PIP5K1B: variants seen among roughly 807,000 people sequenced by gnomAD.
The protein encoded by PIP5K1B is phosphatidylinositol 4-phosphate 5-kinase type-1 beta.
Under a neutral mutation model 67.0 loss-of-function variants are expected in PIP5K1B, and 42 were observed. The observed-to-expected ratio is 0.63, with a 90% CI of 0.49 to 0.81. The LOEUF (loss-of-function observed/expected upper bound fraction) is 0.81, where lower values mean the gene tolerates loss of function less well. PIP5K1B is among the 30% of genes least tolerant of loss of function. The pLI is 0.00. For synonymous variants in PIP5K1B, 214 were observed against 231.4 expected (o/e 0.92, Z 0.68); for missense variants, 459 against 646.3 (o/e 0.71, Z 3.14).
Position 68,908,287 on chromosome 9 carries a change from G to A in PIP5K1B, c.772-9261G>A, listed in dbSNP as rs191918003. On this transcript the variant is annotated intron_variant, in intron 8 of 15. Coordinates refer to ENST00000265382, the MANE Select transcript of PIP5K1B (RefSeq NM_003558.4). ...AGACATCTTTATTTGAAGAAATGAA[G>A]TGTTTATAAAGAAAACAAACCAAAT... Among the ~76,000 whole-genome samples, 428 of 152,106 alleles carry A rather than the reference G, an allele frequency of 2.8e-3. 3 individuals are homozygous for A. Among genetic ancestry groups the A allele is most frequent in the African/African-American group, 9.9e-3 (410 of 41,504 alleles).
chr9:68,769,363 G>T (rs916287290), intron 2 of PIP5K1B, among the ~76,000 whole-genome samples: 2 of 150,988 alleles, frequency 1.3e-5, no homozygotes, highest in Non-Finnish European at 3.0e-5. Flanking sequence ...CTTATACTGT[G>T]TTTTTTTTTC....
chr9:68,890,455 A>T (rs1694112999), intron 7 of PIP5K1B, among the ~76,000 whole-genome samples: 1 of 152,202 alleles, frequency 6.6e-6, no homozygotes, highest in African/African-American at 2.4e-5. Context: ...ATGAGTGGTG[A>T]TAAATATCAT....
chr9:68,891,146 G>T (rs1403911037), intron 7 of PIP5K1B, among the ~76,000 whole-genome samples: 1 of 152,160 alleles, frequency 6.6e-6, no homozygotes, highest in Non-Finnish European at 1.5e-5. Context: ...TACTTGGGAG[G>T]CTGAGAAGTG....
Position 68,991,092 on chromosome 9 carries a change from A to G in PIP5K1B, c.1503-48A>G, listed in dbSNP as rs374542376. 1.1e-5 allele frequency: 12 copies of G among 1,091,302 alleles called. No individual in the cohort carries two copies. The South Asian group carries it at 1.4e-4, about 12-fold the overall frequency. 67.6% of individuals were successfully genotyped at this position (1,091,302 alleles called of 1,614,324 possible). On this transcript the variant is annotated intron_variant, in intron 14 of 15. Transcript: ENST00000265382. The stretch of plus-strand genomic sequence containing the variant: ...TTTAGGACTTTGGAGGTGTCTTTAG[A>G]TTTTGTTCTGGGGGCCTCATGCCCA...
At chr9:68,873,418 G>A (rs1435152521) in intron 5 of PIP5K1B, among the ~76,000 whole-genome samples, 1 of 150,386 alleles carries the variant, frequency 6.6e-6, no homozygotes, top group African/African-American at 2.5e-5. Flanking sequence ...CCACCAAACA[G>A]CCGGGACTAC....
At chr9:68,950,635 C>T (rs1828019103) in intron 14 of PIP5K1B, among the ~76,000 whole-genome samples, 1 of 152,186 alleles carries the variant, frequency 6.6e-6, no homozygotes, top group Admixed American at 6.5e-5. Context: ...GTTCATGTTA[C>T]CAGTTCTGGC....
chr9:68,994,285 G>A (rs1830515632), intron 15 of PIP5K1B, among the ~76,000 whole-genome samples: 1 of 151,870 alleles, frequency 6.6e-6, no homozygotes, highest in Admixed American at 6.6e-5. Context: ...CAGGTGATCC[G>A]CCCGCCTCGG....
chr9:68,746,382 A>G (rs1829310401), intron 2 of PIP5K1B, among the ~76,000 whole-genome samples: 2 of 152,114 alleles, frequency 1.3e-5, no homozygotes, highest in South Asian at 4.1e-4. Context: ...GTTATATGGC[A>G]TGCACAGAGT....
At chr9:68,750,329 T>C (rs1275478495) in intron 2 of PIP5K1B, among the ~76,000 whole-genome samples, 2 of 152,258 alleles carry the variant, frequency 1.3e-5, no homozygotes, top group African/African-American at 2.4e-5. Flanking sequence ...CTGTCAGTTA[T>C]GCTAACTCAC....
At chr9:68,889,810 A>G (rs74733109) in intron 7 of PIP5K1B, among the ~76,000 whole-genome samples, 2,420 of 152,196 alleles carry the variant, frequency 0.016, 60 homozygotes, top group African/African-American at 0.053. Flanking sequence ...TACAGGATAT[A>G]AAATAAAGGA....
intron 8 of PIP5K1B, among the ~76,000 whole-genome samples, chr9:68,904,226 G>A (rs934888746): frequency 1.1e-4 from 17 of 152,190 alleles, no homozygotes; most frequent in African/African-American, 4.1e-4. Context: ...GTGTGTAATG[G>A]TGGTAAGGCC....
chr9:68,789,240 C>T (rs1241265203), intron 2 of PIP5K1B: 6 of 472,852 alleles, frequency 1.3e-5, no homozygotes, highest in Admixed American at 2.7e-5. Context: ...GACAACTGTT[C>T]GAAGGATAGT....
chr9:68,935,057 T>C lies in PIP5K1B; in HGVS notation c.1357+12T>C. On this transcript the variant is annotated intron_variant, in intron 13 of 15. Transcript: ENST00000265382. ...CCTTGATGAAGAAGGTAAAGATATG[T>C]AACTTTTTTAAAAAGACAAACGTTC... 6.2e-7 allele frequency: 1 copy of C among 1,605,404 alleles called. No homozygotes were observed.
intron 12 of PIP5K1B, among the ~76,000 whole-genome samples, chr9:68,929,346 A>T (rs1461508183): frequency 3.3e-5 from 5 of 152,116 alleles, no homozygotes; most frequent in African/African-American, 9.7e-5. Flanking sequence ...GATTATCTCC[A>T]CTACAGGGTA....
At chr9:68,792,315 C>G (rs1379556308) in intron 2 of PIP5K1B, among the ~76,000 whole-genome samples, 3 of 152,162 alleles carry the variant, frequency 2.0e-5, no homozygotes, top group Non-Finnish European at 4.4e-5. Flanking sequence ...AATGGATGAA[C>G]AAATGGTACA....
At chr9:68,756,228 T>C (rs976187655) in intron 2 of PIP5K1B, among the ~76,000 whole-genome samples, 1 of 152,246 alleles carries the variant, frequency 6.6e-6, no homozygotes, top group African/African-American at 2.4e-5. Context: ...ATAATATTAA[T>C]TCTAGAAACT....
chr9:68,852,934 G>T (rs981215767), intron 4 of PIP5K1B, among the ~76,000 whole-genome samples: 1 of 152,102 alleles, frequency 6.6e-6, no homozygotes, highest in Non-Finnish European at 1.5e-5. Flanking sequence ...ATAGGACTTG[G>T]TATTTGAGGA....
chr9:68,989,094 C>CAAAAAAAAAA (rs71353097), intron 14 of PIP5K1B, among the ~76,000 whole-genome samples: 1 of 55,994 alleles, frequency 1.8e-5, no homozygotes, highest in Non-Finnish European at 3.0e-5. Flanking sequence ...GACTCCGTCT[C>CAAAAAAAAAA]AAAAAAAAAA....
At chr9:68,943,976 T>C (rs969637010) in intron 14 of PIP5K1B, among the ~76,000 whole-genome samples, 2 of 152,244 alleles carry the variant, frequency 1.3e-5, no homozygotes, top group African/African-American at 4.8e-5. Flanking sequence ...GATTATTCTT[T>C]GTAACTTCAA....
Sources: gnomAD v4.1 joint callset for allele counts (sites outside exome capture counted in the v4.1 genomes callset) on GRCh38, gnomAD v4.1.1 for gene constraint, MANE v1.5 for transcripts, NCBI Gene and HGNC (gene_info 2026-07-23, HGNC 2026-07-21) for gene names.